Variants in ANKRD13C observed in about 807,000 individuals in gnomAD.
ANKRD13C encodes ankyrin repeat domain 13C, also known as ankyrin repeat domain-containing protein 13C.
Under a neutral mutation model 65.5 loss-of-function variants are expected in ANKRD13C, and 16 were observed. The observed-to-expected ratio is 0.24, with a 90% CI of 0.17 to 0.37. The LOEUF is 0.37. ANKRD13C is among the 10% of genes least tolerant of loss of function. ANKRD13C has a pLI of 1.00. For synonymous variants in ANKRD13C, 235 were observed against 238.7 expected, an observed-to-expected ratio of 0.98 and a Z score of 0.14; for missense variants, 503 against 655.9, an observed-to-expected ratio of 0.77 and a Z score of 2.55.
intron 1 of ANKRD13C, among the ~76,000 whole-genome samples, chr1:70,342,974 G>T (rs1011054517): frequency 6.6e-6 from 1 of 152,118 alleles, no homozygotes; most frequent in South Asian, 2.1e-4. Context: ...CAAGGTGGCC[G>T]TGCTCCTGGA....
intron 12 of ANKRD13C, among the ~76,000 whole-genome samples, chr1:70,269,488 C>A (rs942073017): frequency 4.6e-5 from 7 of 152,164 alleles, no homozygotes; most frequent in Non-Finnish European, 1.0e-4. Flanking sequence ...GAGTCTAAAA[C>A]TCGAAATATT....
intron 5 of ANKRD13C, among the ~76,000 whole-genome samples, chr1:70,306,606 A>G (rs1448506914): frequency 6.6e-6 from 1 of 152,152 alleles, no homozygotes. Context: ...ACCCTATGGT[A>G]ACTAAACCCT....
chr1:70,318,998 A>G (rs1681191966), intron 3 of ANKRD13C, among the ~76,000 whole-genome samples: 1 of 151,962 alleles, frequency 6.6e-6, no homozygotes, highest in African/African-American at 2.4e-5. Flanking sequence ...TCTTTTAATT[A>G]CTTTCTGATC....
intron 9 of ANKRD13C, among the ~76,000 whole-genome samples, chr1:70,289,007 G>T (rs547115547): frequency 6.6e-6 from 1 of 152,108 alleles, no homozygotes; most frequent in African/African-American, 2.4e-5. Flanking sequence ...TGTTGAAATT[G>T]ATTTATCTAC....
intron 1 of ANKRD13C, among the ~76,000 whole-genome samples, chr1:70,338,833 A>T (rs923859865): frequency 1.3e-5 from 2 of 152,206 alleles, no homozygotes; most frequent in Non-Finnish European, 2.9e-5. Flanking sequence ...GCAAGTAACA[A>T]TTTCCAATTT....
At chr1:70,322,122 C>T (rs1681336848) in intron 3 of ANKRD13C, among the ~76,000 whole-genome samples, 1 of 152,104 alleles carries the variant, frequency 6.6e-6, no homozygotes, top group East Asian at 1.9e-4. Flanking sequence ...CGAGACCAGC[C>T]TGGCCAACAT....
intron 9 of ANKRD13C, among the ~76,000 whole-genome samples, chr1:70,290,745 G>C (rs985664283): frequency 4.6e-5 from 7 of 151,728 alleles, no homozygotes. Context: ...TTTAGTAGAG[G>C]CAGGGTCTTG....
chr1:70,274,964 A>G (rs1679065704), intron 10 of ANKRD13C, 146 bp from the exon 11 acceptor site: 1 of 562,518 alleles, frequency 1.8e-6, no homozygotes. Context: ...CTAAAAGGGA[A>G]TAAGATATGT....
At chr1:70,333,783 C>T (rs1170291104) in intron 2 of ANKRD13C, among the ~76,000 whole-genome samples, 9 of 152,262 alleles carry the variant, frequency 5.9e-5, no homozygotes, top group Admixed American at 5.9e-4. Flanking sequence ...GAACAGCAGA[C>T]ACACCATAAG....
At chr1:70,279,896 G>GA (rs1487363527) in intron 9 of ANKRD13C, among the ~76,000 whole-genome samples, 1 of 152,106 alleles carries the variant, frequency 6.6e-6, no homozygotes, top group Admixed American at 6.5e-5. Context: ...CTTTTGGTAC[G>GA]AGAGTCCATC....
intron 2 of ANKRD13C, among the ~76,000 whole-genome samples, chr1:70,328,026 C>G (rs532707098): frequency 6.6e-6 from 1 of 152,056 alleles, no homozygotes; most frequent in East Asian, 1.9e-4. Context: ...GACTGTACCA[C>G]TGAGCGAGAC....
intron 12 of ANKRD13C, among the ~76,000 whole-genome samples, chr1:70,269,420 G>GT (rs969643731): frequency 6.6e-6 from 1 of 152,174 alleles, no homozygotes; most frequent in Non-Finnish European, 1.5e-5. Context: ...ATTCTCAACT[G>GT]TTTAACTCCT....
intron 2 of ANKRD13C, among the ~76,000 whole-genome samples, chr1:70,326,378 T>C (rs1057476943): frequency 6.6e-6 from 1 of 150,588 alleles, no homozygotes; most frequent in East Asian, 2.0e-4. Flanking sequence ...TCGAAGAGCA[T>C]AATTCCTATG....
At chr1:70,299,553 T>G (rs1286913074) in intron 7 of ANKRD13C, among the ~76,000 whole-genome samples, 1 of 152,060 alleles carries the variant, frequency 6.6e-6, no homozygotes, top group Non-Finnish European at 1.5e-5. Flanking sequence ...AGTGACAGTG[T>G]GAATAAAAGA....
intron 7 of ANKRD13C, among the ~76,000 whole-genome samples, chr1:70,299,677 G>A (rs1468796269): frequency 2.0e-5 from 3 of 152,188 alleles, no homozygotes; most frequent in Non-Finnish European, 2.9e-5. Flanking sequence ...TAACTGAATA[G>A]AGAATGACAT....
At chr1:70,289,485 G>A (rs1334619279) in intron 9 of ANKRD13C, among the ~76,000 whole-genome samples, 2 of 141,266 alleles carry the variant, frequency 1.4e-5, no homozygotes, top group African/African-American at 2.6e-5. Flanking sequence ...TTTTTTTTTT[G>A]AGACAGTCTT....
rs1678339763 is a variant in ANKRD13C, at chr1:70,260,157, T to C, written c.*2560A>G. On this transcript the variant is annotated 3_prime_UTR_variant, in exon 13 of 13. Coordinates refer to ENST00000370944, the MANE Select transcript of ANKRD13C (RefSeq NM_030816.5). ...CTACTAACATGTATCAGCAGACAGA[T>C]GTGACAGTTTCCAAACCATCATCTG... Among the ~76,000 whole-genome samples, 1 of 152,174 alleles carries C rather than the reference T, an allele frequency of 6.6e-6. No homozygotes were observed. Among genetic ancestry groups the C allele is most frequent in the South Asian group, 2.1e-4 (1 of 4,830 alleles).
Position 70,300,830 on chromosome 1 carries a change from C to T in ANKRD13C, c.855G>A (p.Ala285=), listed in dbSNP as rs1383848676. ...GDLSFIFNGD[A]APSESFVVLD... ...ATACTACAAAAGATTCAGAGGGCGC[C>T]GCATCCCCATTGAAAATGAAGCTTA... Residue 285 remains alanine, a synonymous_variant, in exon 7 of 13, where the codon GCG becomes GCA. Transcript: ENST00000370944. The T allele has an allele frequency of 9.9e-6, 16 of 1,613,148 alleles. No homozygotes were observed. The highest frequency in any genetic ancestry group is 3.3e-5 in the South Asian group (3 of 90,968).
chr1:70,313,291 G>A (rs1352090072), intron 5 of ANKRD13C, among the ~76,000 whole-genome samples: 1 of 152,140 alleles, frequency 6.6e-6, no homozygotes, highest in Non-Finnish European at 1.5e-5. Context: ...CACTTTGAGA[G>A]GCCGAGGTAG....
Sources: allele counts gnomAD v4.1 joint callset (sites outside exome capture counted in the v4.1 genomes callset), GRCh38; gene constraint gnomAD v4.1.1; transcripts MANE v1.5; gene names NCBI Gene and HGNC (gene_info 2026-07-23, HGNC 2026-07-21).